The following BBS9 variants were observed in gnomAD, a reference collection of about 807,000 sequenced individuals.
BBS9 encodes protein PTHB1.
A neutral mutation model predicts 117.7 loss-of-function variants in BBS9; 89 were observed. The ratio of observed to expected loss-of-function variants is 0.76; its 90% CI spans 0.64 to 0.90. BBS9 has a LOEUF of 0.90. BBS9 is among the 40% of genes least tolerant of loss of function. The pLI, the probability that BBS9 is intolerant of heterozygous loss-of-function variation, is 0.00. For synonymous variants in BBS9, 379 were observed against 370.9 expected (o/e 1.02, Z -0.25); for missense variants, 982 against 1,042.2 (o/e 0.94, Z 0.80).
At chr7:33,148,100 A>G (rs981526319) in intron 2 of BBS9, among the ~76,000 whole-genome samples, 1 of 152,176 alleles carries the variant, frequency 6.6e-6, no homozygotes, top group African/African-American at 2.4e-5. Context: ...CTCAAGTTTG[A>G]GAATTATTTT....
At chr7:33,301,211 G>C (rs1252060644) in intron 9 of BBS9, among the ~76,000 whole-genome samples, 1 of 151,594 alleles carries the variant, frequency 6.6e-6, no homozygotes. Flanking sequence ...AGGATAAATG[G>C]GATATCTACA....
At chr7:33,172,197 C>T (rs953811890) in intron 4 of BBS9, among the ~76,000 whole-genome samples, 13 of 151,874 alleles carry the variant, frequency 8.6e-5, no homozygotes, top group South Asian at 2.1e-4. Context: ...TGGCTAACAC[C>T]GTGAAACCCC....
intron 20 of BBS9, among the ~76,000 whole-genome samples, chr7:33,533,249 A>G (rs1166000824): frequency 1.3e-5 from 2 of 152,148 alleles, no homozygotes; most frequent in Non-Finnish European, 2.9e-5. Context: ...ACGTTCCTGA[A>G]TTGCAGCTGT....
At chr7:33,284,718 A>G (rs1802558555) in intron 9 of BBS9, among the ~76,000 whole-genome samples, 1 of 151,762 alleles carries the variant, frequency 6.6e-6, no homozygotes, top group Non-Finnish European at 1.5e-5. Context: ...TTTCCTCATA[A>G]TTTTCATTTC....
intron 1 of BBS9, among the ~76,000 whole-genome samples, chr7:33,140,477 A>G (rs1330359564): frequency 6.6e-6 from 1 of 152,142 alleles, no homozygotes; most frequent in South Asian, 2.1e-4. Context: ...GAAGATGACT[A>G]TGCTGTGTCC....
At chr7:33,357,700 GATA>G in intron 15 of BBS9, 152 bp from the exon 16 acceptor site, 1 of 779,580 alleles carries the variant, frequency 1.3e-6, no homozygotes, top group Non-Finnish European at 2.2e-6. Context: ...TATGAATCAT[GATA>G]ATAATTTACA....
At chr7:33,320,672 C>G (rs1017092187) in intron 9 of BBS9, among the ~76,000 whole-genome samples, 2 of 152,036 alleles carry the variant, frequency 1.3e-5, no homozygotes, top group Non-Finnish European at 2.9e-5. Context: ...TGAAACTGCT[C>G]TTCATAGTGG....
chr7:33,511,679 C>G (rs1381851329), intron 20 of BBS9, among the ~76,000 whole-genome samples: 1 of 152,120 alleles, frequency 6.6e-6, no homozygotes, highest in Non-Finnish European at 1.5e-5. Flanking sequence ...GGCCTTCAGC[C>G]TTATTTTTTG....
At chr7:33,470,145 G>A (rs909893242) in intron 19 of BBS9, among the ~76,000 whole-genome samples, 5 of 152,138 alleles carry the variant, frequency 3.3e-5, no homozygotes, top group Non-Finnish European at 7.3e-5. Flanking sequence ...AGGTCCTCAA[G>A]AAGTGCTTAT....
intron 19 of BBS9, among the ~76,000 whole-genome samples, chr7:33,445,764 G>C (rs1836899993): frequency 6.6e-6 from 1 of 152,166 alleles, no homozygotes; most frequent in African/African-American, 2.4e-5. Context: ...CCCCCATGCT[G>C]TTCTCGTGAT....
intron 21 of BBS9, among the ~76,000 whole-genome samples, chr7:33,630,056 ATT>A (rs34994605): frequency 6.6e-6 from 1 of 151,428 alleles, no homozygotes; most frequent in Non-Finnish European, 1.5e-5. Context: ...TACTATTTAC[ATT>A]TTTTTTTGTA....
chr7:33,173,162 C>T (rs1796855062), intron 4 of BBS9, among the ~76,000 whole-genome samples: 1 of 152,200 alleles, frequency 6.6e-6, no homozygotes, highest in East Asian at 1.9e-4. Flanking sequence ...TGCCTGGACT[C>T]AGCATGGTTG....
At chr7:33,524,701 C>T (rs569915528) in intron 20 of BBS9, among the ~76,000 whole-genome samples, 1 of 152,130 alleles carries the variant, frequency 6.6e-6, no homozygotes, top group Non-Finnish European at 1.5e-5. Flanking sequence ...AAAAAACCAG[C>T]TCCTGGATTC....
chr7:33,512,927 T>G (rs1847186277), intron 20 of BBS9, among the ~76,000 whole-genome samples: 3 of 152,160 alleles, frequency 2.0e-5, no homozygotes, highest in Admixed American at 6.5e-5. Flanking sequence ...GTAGCCTTTT[T>G]GCCCATGTCT....
intron 19 of BBS9, among the ~76,000 whole-genome samples, chr7:33,502,688 C>T (rs924424419): frequency 6.6e-6 from 1 of 152,146 alleles, no homozygotes; most frequent in Non-Finnish European, 1.5e-5. Context: ...TCTTTCTCTA[C>T]CTCTTCCTTC....
intron 17 of BBS9, among the ~76,000 whole-genome samples, 176 bp from the exon 18 acceptor site, chr7:33,383,490 G>T (rs946530561): frequency 5.3e-5 from 8 of 152,178 alleles, no homozygotes; most frequent in African/African-American, 1.9e-4. Context: ...AGTGTTAAGT[G>T]GTTGATGCAG....
intron 4 of BBS9, among the ~76,000 whole-genome samples, chr7:33,166,329 G>T (rs1448602986): frequency 6.6e-6 from 1 of 152,226 alleles, no homozygotes; most frequent in East Asian, 1.9e-4. Context: ...CCCACTTGAG[G>T]AGGCAGTCTG....
At chr7:33,130,152 G>A (rs1203037548) in intron 1 of BBS9, 111 bp downstream of exon 1, 1 of 152,176 alleles carries the variant, frequency 6.6e-6, no homozygotes, top group Non-Finnish European at 1.5e-5. Flanking sequence ...TCTGTAAGGT[G>A]ATTGATTTCT....
chr7:33,341,265 A>G (rs1010613152), intron 11 of BBS9, among the ~76,000 whole-genome samples: 4 of 152,126 alleles, frequency 2.6e-5, no homozygotes, highest in African/African-American at 9.7e-5. Flanking sequence ...ATTTTTTTTC[A>G]AACTTTCTTA....
Sources: gnomAD v4.1 joint callset for allele counts (sites outside exome capture counted in the v4.1 genomes callset) on GRCh38, gnomAD v4.1.1 for gene constraint, MANE v1.5 for transcripts, NCBI Gene and HGNC (gene_info 2026-07-23, HGNC 2026-07-21) for gene names.